The following BMP8A variants were observed in gnomAD, a reference collection of about 807,000 sequenced individuals.
The protein encoded by BMP8A is BMP-8A.
In BMP8A, 14 loss-of-function variants were observed where a neutral mutation model predicts 36.8. The observed-to-expected ratio is 0.38, with a 90% CI of 0.25 to 0.60. The LOEUF (loss-of-function observed/expected upper bound fraction) is 0.60, where lower values mean the gene tolerates loss of function less well. Ranked by LOEUF, BMP8A falls within the 20% of genes least tolerant of loss-of-function variation. The pLI, the probability that BMP8A is intolerant of heterozygous loss-of-function variation, is 0.63. For missense variants in BMP8A, 267 were observed against 551.1 expected (o/e 0.48, Z 5.16); for synonymous variants, 120 against 237.7 (o/e 0.50, Z 4.55).
Position 39,524,469 on chromosome 1 carries a change from G to A in BMP8A, c.1060-1180G>A, listed in dbSNP as rs567803204. On this transcript the variant is annotated intron_variant, in intron 6 of 6. Coordinates refer to ENST00000331593, the MANE Select transcript of BMP8A (RefSeq NM_181809.4). The surrounding 1 kb of genome is among the most constrained non-coding windows in gnomAD (Gnocchi z 4.0). ...GACTGGGCCCAGCCTCTCCACACAA[G>A]GAGGGGCACGTCAGCAGCTGGAGGA... Among the ~76,000 whole-genome samples the A allele has an allele frequency of 6.6e-6, 1 of 152,316 alleles. No individual in the cohort carries two copies. The highest frequency in any genetic ancestry group is 2.4e-5 in the African/African-American group (1 of 41,566).
intron 1 of BMP8A, among the ~76,000 whole-genome samples, chr1:39,493,323 TC>T (rs1645178207): frequency 6.6e-6 from 1 of 152,220 alleles, no homozygotes; most frequent in Non-Finnish European, 1.5e-5. Context: ...ACGGTCTTCA[TC>T]CCCATCTCCC....
In BMP8A at chr1:39,494,352, C is replaced by CT. The variant is rs573186363; in HGVS notation, c.334+2041dup. Among the ~76,000 whole-genome samples the CT allele has an allele frequency of 9.1e-3, 1,079 of 118,322 alleles. 9 individuals carry two copies. Among genetic ancestry groups the CT allele is most frequent in the African/African-American group, 0.035 (901 of 25,600 alleles). 77.6% of individuals were successfully genotyped at this position (118,322 alleles called of 152,430 possible). ...CTTCTTTCTTTCTTTTTTCTTTTTT[C>CT]TTTTTTTTTTTTTTAAGAGGCAGGG... On this transcript the variant is annotated intron_variant, in intron 1 of 6. Transcript: ENST00000331593.
intron 3 of BMP8A, among the ~76,000 whole-genome samples, chr1:39,519,936 T>C (rs1645419106): frequency 1.8e-5 from 2 of 114,270 alleles, no homozygotes; most frequent in African/African-American, 3.0e-5. Flanking sequence ...ATCATGCTTC[T>C]GCAATTCAGT....
At chr1:39,504,475 T>C (rs1645281617) in intron 1 of BMP8A, among the ~76,000 whole-genome samples, 1 of 152,224 alleles carries the variant, frequency 6.6e-6, no homozygotes, top group South Asian at 2.1e-4. Context: ...GCCAGATTTA[T>C]GTTTGACTTT....
At chr1:39,523,166 C>T (rs757479511) in intron 6 of BMP8A, 49 bp downstream of exon 6, 76 of 1,597,330 alleles carry the variant, frequency 4.8e-5, no homozygotes, top group Non-Finnish European at 4.3e-5. Context: ...GGAGGCCCTG[C>T]AGAGAGGGGT....
At chr1:39,507,474 A>G (rs1227937759) in intron 1 of BMP8A, among the ~76,000 whole-genome samples, 1 of 152,204 alleles carries the variant, frequency 6.6e-6, no homozygotes, top group Non-Finnish European at 1.5e-5. Context: ...CATGGTTTTA[A>G]TGCCCCATTT....
chr1:39,510,245 C>T (rs1645341473), intron 1 of BMP8A, among the ~76,000 whole-genome samples: 1 of 110,026 alleles, frequency 9.1e-6, no homozygotes, highest in Non-Finnish European at 1.9e-5. Flanking sequence ...CGCCTCCACC[C>T]TGTGCATGCG....
In BMP8A at chr1:39,525,916, G is replaced by A. The variant is rs3738676; in HGVS notation, c.*118G>A. 4.0e-6 allele frequency: 6 copies of A among 1,507,468 alleles called. No homozygotes were observed. In the African/African-American group the frequency reaches 5.5e-5, roughly 14 times the overall value. 93.4% of individuals were successfully genotyped at this position (1,507,468 alleles called of 1,614,324 possible). On this transcript the variant is annotated 3_prime_UTR_variant, in exon 7 of 7. Transcript: ENST00000331593. ...AGGAGTGTCAGGGGCCCTCACTCTCGGTGCCTACTTCCTGTCAGGCTTCTG... is the reference window on the plus strand; with the variant it reads ...AGGAGTGTCAGGGGCCCTCACTCTCAGTGCCTACTTCCTGTCAGGCTTCTG...
intron 1 of BMP8A, among the ~76,000 whole-genome samples, chr1:39,510,965 C>T (rs531202526): frequency 6.6e-6 from 1 of 152,188 alleles, no homozygotes; most frequent in South Asian, 2.1e-4. Flanking sequence ...CAGGGTGAGC[C>T]TGGCTGCAGG....
intron 1 of BMP8A, among the ~76,000 whole-genome samples, chr1:39,507,680 G>A (rs1645313574): frequency 6.6e-6 from 1 of 152,190 alleles, no homozygotes; most frequent in East Asian, 1.9e-4. Flanking sequence ...TCCAGACCTT[G>A]GTTCTATGGG....
intron 1 of BMP8A, among the ~76,000 whole-genome samples, chr1:39,495,036 G>A (rs1341114305): frequency 6.6e-6 from 1 of 151,928 alleles, no homozygotes; most frequent in African/African-American, 2.4e-5. Context: ...GGTGGGGGGT[G>A]GATAGACACG....
intron 1 of BMP8A, among the ~76,000 whole-genome samples, chr1:39,497,255 G>T (rs372264982): frequency 1.3e-5 from 2 of 152,108 alleles, no homozygotes; most frequent in Non-Finnish European, 2.9e-5. Context: ...TTAATCTTGC[G>T]TGTGCCATTT....
Position 39,515,600 on chromosome 1 carries a change from C to T in BMP8A, c.673+3696C>T, listed in dbSNP as rs956598948. On this transcript the variant is annotated intron_variant, in intron 3 of 6. Transcript: ENST00000331593. The stretch of plus-strand genomic sequence containing the variant: ...TCGCCCTGGTGAAAGGGTGGAAGGC[C>T]GACCGGGCAGGAAACGTGGTCTTCA... 16 of 1,525,706 alleles carry T rather than the reference C, an allele frequency of 1.0e-5. No homozygotes were observed. In the Admixed American group the frequency reaches 2.4e-4, roughly 23 times the overall value. 94.5% of individuals were successfully genotyped at this position (1,525,706 alleles called of 1,614,324 possible). A position where few individuals can be genotyped will look rare whatever the true frequency, so the allele number is the denominator to read the frequency against.
intron 1 of BMP8A, among the ~76,000 whole-genome samples, chr1:39,496,800 T>A (rs1645208908): frequency 6.6e-6 from 1 of 152,254 alleles, no homozygotes; most frequent in South Asian, 2.1e-4. Context: ...GCTGTCGAAT[T>A]GAACTGAATG....
At chr1:39,516,742 G>C (rs1402902839) in intron 3 of BMP8A, among the ~76,000 whole-genome samples, 3 of 151,876 alleles carry the variant, frequency 2.0e-5, no homozygotes, top group Non-Finnish European at 4.4e-5. Flanking sequence ...TGTCCGCTTT[G>C]CTCTGTGATG....
intron 1 of BMP8A, among the ~76,000 whole-genome samples, chr1:39,492,996 G>A (rs141695390): frequency 4.1e-4 from 62 of 152,316 alleles, no homozygotes; most frequent in African/African-American, 1.2e-3. Flanking sequence ...AGGCAAAGCC[G>A]GGCTTTTCCT....
At chr1:39,523,533 G>A in intron 6 of BMP8A, 1 of 1,383,850 alleles carries the variant, frequency 7.2e-7, no homozygotes, top group Non-Finnish European at 9.4e-7. Context: ...TGCGCACAGT[G>A]TGTGGGGTGT....
intron 1 of BMP8A, among the ~76,000 whole-genome samples, chr1:39,498,039 G>A (rs994662946): frequency 6.6e-6 from 1 of 152,176 alleles, no homozygotes; most frequent in Non-Finnish European, 1.5e-5. Context: ...TGAACTCCAG[G>A]GCCACTCATT....
intron 1 of BMP8A, among the ~76,000 whole-genome samples, chr1:39,510,945 G>C (rs561439917): frequency 8.5e-5 from 13 of 152,306 alleles, no homozygotes; most frequent in Non-Finnish European, 1.8e-4. Context: ...CACCAGCCAG[G>C]TGCAGGGCTC....
Sources: allele counts gnomAD v4.1 joint callset (sites outside exome capture counted in the v4.1 genomes callset), GRCh38; gene constraint gnomAD v4.1.1; non-coding constraint Gnocchi (gnomAD v3.1); transcripts MANE v1.5; gene names NCBI Gene and HGNC (gene_info 2026-07-23, HGNC 2026-07-21).